SELENOK: variants seen among roughly 807,000 people sequenced by gnomAD.
SELENOK encodes selenoprotein K.
In SELENOK, 11 loss-of-function variants were observed where a neutral mutation model predicts 17.3. The observed-to-expected ratio is 0.63, with a 90% CI of 0.40 to 1.05. The LOEUF (loss-of-function observed/expected upper bound fraction) is 1.05. Among genes scored for constraint, SELENOK ranks in the 50% least tolerant of loss-of-function variants. The probability of loss-of-function intolerance (pLI) is 0.00; values close to 1 mark genes in which losing one functional copy is unlikely to be tolerated. For synonymous variants in SELENOK, 45 were observed against 35.4 expected (o/e 1.27, Z -0.97); for missense variants, 125 against 113.9 (o/e 1.10, Z -0.44).
At chr3:53,890,265 A>G (rs1253920970) in intron 1 of SELENOK, among the ~76,000 whole-genome samples, 1 of 152,204 alleles carries the variant, frequency 6.6e-6, no homozygotes, top group African/African-American at 2.4e-5. Context: ...TTCCAGGGCT[A>G]GCCATCACAT....
intron 3 of SELENOK, 97 bp downstream of exon 3, chr3:53,886,753 AC>A: frequency 1.4e-6 from 1 of 689,690 alleles, no homozygotes; most frequent in South Asian, 3.0e-5. Flanking sequence ...TAGGATTTAA[AC>A]TTTTAATTTC....
chr3:53,887,037 C>T (rs1700133008), intron 2 of SELENOK, 103 bp from the exon 3 acceptor site: 4 of 874,310 alleles, frequency 4.6e-6, no homozygotes, highest in Non-Finnish European at 1.7e-6. Context: ...GATTACTAAA[C>T]CCACTTAGCT....
At position 53,885,542 on chromosome 3, in the gene SELENOK, T is replaced by G; in HGVS notation, c.*16A>C. 1 of 1,608,710 alleles carries G rather than the reference T, an allele frequency of 6.2e-7. No individual in the cohort carries two copies. The highest frequency in any genetic ancestry group is 1.1e-5 in the South Asian group (1 of 89,576). On this transcript the variant is annotated 3_prime_UTR_variant, in exon 5 of 5. Coordinates refer to ENST00000495461, the MANE Select transcript of SELENOK (RefSeq NM_021237.5). ...TGAATGCGCATGTCCGGTTGTCTGC[T>G]TCTTAGAGCAGACATTTACCTGAAA...
At chr3:53,886,732 A>G (rs957647517) in intron 3 of SELENOK, 119 bp downstream of exon 3, 1 of 587,820 alleles carries the variant, frequency 1.7e-6, no homozygotes, top group African/African-American at 1.9e-5. Context: ...TAATGCATTA[A>G]TTTTGTAAAA....
chr3:53,885,651 T>C (rs890658092), intron 4 of SELENOK, 90 bp from the exon 5 acceptor site: 3 of 1,390,726 alleles, frequency 2.2e-6, no homozygotes, highest in Non-Finnish European at 1.0e-6. Context: ...AAAATCTTTC[T>C]CAAAAGACAT....
rs754112991 is a variant in SELENOK, at chr3:53,891,794, C to T, written c.-6G>A. On this transcript the variant is annotated 5_prime_UTR_variant, in exon 1 of 5. Coordinates refer to ENST00000495461, the MANE Select transcript of SELENOK (RefSeq NM_021237.5). ...CCGTTCGAGATGTAAACCATCTTGT[C>T]CCACTTCCCCGCTTCGGAGCCACCG... 1.2e-6 allele frequency: 2 copies of T among 1,613,976 alleles called. No homozygotes were observed. Among genetic ancestry groups the T allele is most frequent in the Non-Finnish European group, 1.7e-6 (2 of 1,179,820 alleles).
At chr3:53,885,959 G>C (rs945601515) in intron 3 of SELENOK, 47 bp from the exon 4 acceptor site, 72 of 1,267,252 alleles carry the variant, frequency 5.7e-5, no homozygotes, top group Non-Finnish European at 7.3e-5. Flanking sequence ...GACACAACTT[G>C]AATTGTCTCC....
In SELENOK at chr3:53,886,735, T is replaced by C. The variant is rs1048670811; in HGVS notation, c.194+116A>G. Reference sequence around the variant, plus strand: ...TTTAATTTACAGTAATGCATTAATTTTGTAAAATAGGATTTAAACTTTTAA... The same window carrying C: ...TTTAATTTACAGTAATGCATTAATTCTGTAAAATAGGATTTAAACTTTTAA... On this transcript the variant is annotated intron_variant, in intron 3 of 4. Transcript: ENST00000495461. 8 of 597,746 alleles carry C rather than the reference T, an allele frequency of 1.3e-5. No homozygotes were observed. The South Asian group carries it at 2.7e-4, about 20-fold the overall frequency. The allele number at this position is 597,746 out of a possible 1,614,324, so 37.0% of individuals were successfully genotyped here. A position where few individuals can be genotyped will look rare whatever the true frequency, so the allele number is the denominator to read the frequency against.
At chr3:53,890,990 G>A (rs1296686985) in intron 1 of SELENOK, 4 of 152,142 alleles carry the variant, frequency 2.6e-5, no homozygotes, top group Non-Finnish European at 2.9e-5. Flanking sequence ...CTTCCTTTCC[G>A]GTCATCTTCT....
intron 3 of SELENOK, among the ~76,000 whole-genome samples, chr3:53,886,522 C>T (rs1162826650): frequency 6.6e-6 from 1 of 152,208 alleles, no homozygotes; most frequent in Non-Finnish European, 1.5e-5. Context: ...GCTCAAGCCA[C>T]CGTGCCTGGC....
rs1700108626 is a variant in SELENOK, at chr3:53,884,477, G to T, written c.*1081C>A. On this transcript the variant is annotated 3_prime_UTR_variant, in exon 5 of 5. Coordinates refer to ENST00000495461, the MANE Select transcript of SELENOK (RefSeq NM_021237.5). Reference sequence around the variant, plus strand: ...ATACTACATGACTATCTTACATGTAGTCACTATTCAAAGGACTGGGGTAAA... The same window carrying T: ...ATACTACATGACTATCTTACATGTATTCACTATTCAAAGGACTGGGGTAAA... 1 of 152,134 alleles carries T rather than the reference G, an allele frequency of 6.6e-6. No homozygotes were observed. Among genetic ancestry groups the T allele is most frequent in the South Asian group, 2.1e-4 (1 of 4,824 alleles). 9.4% of individuals were successfully genotyped at this position (152,134 alleles called of 1,614,324 possible).
chr3:53,887,226 A>T (rs1700134176), intron 2 of SELENOK, among the ~76,000 whole-genome samples: 1 of 152,214 alleles, frequency 6.6e-6, no homozygotes, highest in Non-Finnish European at 1.5e-5. Flanking sequence ...TAAATCAGCC[A>T]TCGGGTTTTT....
intron 1 of SELENOK, among the ~76,000 whole-genome samples, chr3:53,889,661 C>A (rs904169074): frequency 1.3e-5 from 2 of 152,170 alleles, no homozygotes; most frequent in Admixed American, 6.5e-5. Flanking sequence ...CTTCCATATT[C>A]CTAAACATGC....
At chr3:53,889,047 A>G (rs76784166) in intron 1 of SELENOK, among the ~76,000 whole-genome samples, 1 of 149,776 alleles carries the variant, frequency 6.7e-6, no homozygotes, top group Admixed American at 6.7e-5. Context: ...ACAGAGCAAG[A>G]AAAAAAAAAC....
chr3:53,886,701 A>C, intron 3 of SELENOK, 150 bp downstream of exon 3: 1 of 480,290 alleles, frequency 2.1e-6, no homozygotes, highest in Non-Finnish European at 3.7e-6. Context: ...AATCAGAAGC[A>C]ATTTGACTTT....
At chr3:53,890,529 T>G (rs1044526188) in intron 1 of SELENOK, among the ~76,000 whole-genome samples, 1 of 152,216 alleles carries the variant, frequency 6.6e-6, no homozygotes, top group African/African-American at 2.4e-5. Flanking sequence ...AATCGGCTAC[T>G]TATGTGGACC....
At chr3:53,889,291 C>T (rs1430599308) in intron 1 of SELENOK, among the ~76,000 whole-genome samples, 2 of 152,172 alleles carry the variant, frequency 1.3e-5, no homozygotes, top group Non-Finnish European at 2.9e-5. Flanking sequence ...CGCCCAGCCC[C>T]TGGCAACCAC....
intron 2 of SELENOK, 43 bp downstream of exon 2, chr3:53,888,350 T>A: frequency 8.0e-7 from 1 of 1,255,816 alleles, no homozygotes; most frequent in Non-Finnish European, 1.2e-6. Flanking sequence ...TGTATACCTG[T>A]CAACTTAAAT....
chr3:53,891,826 T>C lies in SELENOK; in HGVS notation c.-38A>G. 1.9e-6 allele frequency: 3 copies of C among 1,613,368 alleles called. No homozygotes were observed. The highest frequency in any genetic ancestry group is 1.1e-5 in the South Asian group (1 of 91,054). ...CCCCGCTTCGGAGCCACCGGGCGCC[T>C]GGCCCCTGTCGGTTTCTGTATCTCC... On this transcript the variant is annotated 5_prime_UTR_variant, in exon 1 of 5. Transcript: ENST00000495461.
Sources: gnomAD v4.1 joint callset for allele counts (sites outside exome capture counted in the v4.1 genomes callset) on GRCh38, gnomAD v4.1.1 for gene constraint, MANE v1.5 for transcripts, NCBI Gene and HGNC (gene_info 2026-07-23, HGNC 2026-07-21) for gene names.